Variants in SUSD6 observed in about 807,000 individuals in gnomAD.
SUSD6 encodes the protein sushi domain containing 6.
In SUSD6, 16 loss-of-function variants were observed where a neutral mutation model predicts 28.4. The ratio of observed to expected loss-of-function variants is 0.56; its 90% CI spans 0.38 to 0.86. SUSD6 has a LOEUF of 0.86. Ranked by LOEUF, SUSD6 falls within the 40% of genes least tolerant of loss-of-function variation. The pLI, the probability that SUSD6 is intolerant of heterozygous loss-of-function variation, is 0.00. For missense variants in SUSD6, 341 were observed against 384.2 expected, an observed-to-expected ratio of 0.89 and a Z score of 0.94; for synonymous variants, 147 against 159.6, an observed-to-expected ratio of 0.92 and a Z score of 0.59.
chr14:69,667,103 G>A (rs888623329), intron 2 of SUSD6, among the ~76,000 whole-genome samples: 1 of 152,166 alleles, frequency 6.6e-6, no homozygotes, highest in Non-Finnish European at 1.5e-5. Context: ...CCTGGCTATG[G>A]TAAGAGGCAC....
At chr14:69,638,237 C>CT (rs1885293494) in intron 1 of SUSD6, among the ~76,000 whole-genome samples, 1 of 152,192 alleles carries the variant, frequency 6.6e-6, no homozygotes, top group African/African-American at 2.4e-5. Flanking sequence ...GTCCCTCCTC[C>CT]TGGAGAGCCT....
At chr14:69,644,101 C>T (rs74060251) in intron 1 of SUSD6, among the ~76,000 whole-genome samples, 4,012 of 152,208 alleles carry the variant, frequency 0.026, 187 homozygotes, top group African/African-American at 0.092. Flanking sequence ...TATATATACA[C>T]AATATACAGT....
chr14:69,666,063 G>C (rs1470612521), intron 2 of SUSD6, among the ~76,000 whole-genome samples: 1 of 152,158 alleles, frequency 6.6e-6, no homozygotes, highest in Non-Finnish European at 1.5e-5. Context: ...CAGCTGCTTG[G>C]TTCAGACAGA....
At chr14:69,686,123 T>C (rs1437535300) in intron 2 of SUSD6, among the ~76,000 whole-genome samples, 3 of 152,222 alleles carry the variant, frequency 2.0e-5, no homozygotes, top group African/African-American at 7.2e-5. Flanking sequence ...GATTTTTAAA[T>C]TCAATGAATG....
chr14:69,686,848 C>T (rs1555345990), intron 2 of SUSD6, among the ~76,000 whole-genome samples: 1 of 152,158 alleles, frequency 6.6e-6, no homozygotes, highest in Non-Finnish European at 1.5e-5. Flanking sequence ...GGTGGGGACA[C>T]AGAGTCAAAC....
At chr14:69,629,019 A>G (rs147028388) in intron 1 of SUSD6, among the ~76,000 whole-genome samples, 2 of 152,120 alleles carry the variant, frequency 1.3e-5, no homozygotes, top group East Asian at 3.9e-4. Flanking sequence ...GCCTATGGTT[A>G]TTTTATGGCA....
intron 1 of SUSD6, among the ~76,000 whole-genome samples, chr14:69,620,117 T>C (rs1219779790): frequency 2.0e-5 from 3 of 152,222 alleles, no homozygotes; most frequent in Non-Finnish European, 2.9e-5. Context: ...TGATATGTTA[T>C]CTGGTCTACC....
intron 2 of SUSD6, among the ~76,000 whole-genome samples, chr14:69,667,773 C>T (rs1207715096): frequency 6.6e-6 from 1 of 152,124 alleles, no homozygotes; most frequent in East Asian, 1.9e-4. Context: ...TCACACACCT[C>T]TCTGAGCTTT....
At chr14:69,685,987 C>T (rs886072920) in intron 2 of SUSD6, among the ~76,000 whole-genome samples, 4 of 152,218 alleles carry the variant, frequency 2.6e-5, no homozygotes, top group Non-Finnish European at 4.4e-5. Flanking sequence ...TCTGTGCAGC[C>T]GCATGTGCTG....
At position 69,714,111 on chromosome 14, in the gene SUSD6, C is replaced by T. The variant is rs953099842; in HGVS notation, c.*3132C>T. ...GTTTGTTTGGTTTTATAAGGCATTT[C>T]AATGTACATTCTATAAATACAAGCA... On this transcript the variant is annotated 3_prime_UTR_variant, in exon 6 of 6. Coordinates refer to ENST00000342745, the MANE Select transcript of SUSD6 (RefSeq NM_014734.4). 1 of 152,122 alleles carries T rather than the reference C, an allele frequency of 6.6e-6. No individual in the cohort carries two copies. The highest frequency in any genetic ancestry group is 3.2e-3 in the Middle Eastern group (1 of 316). The allele number at this position is 152,122 out of a possible 1,614,324, so 9.4% of individuals were successfully genotyped here.
At chr14:69,683,001 G>A (rs1413295623) in intron 2 of SUSD6, among the ~76,000 whole-genome samples, 1 of 129,126 alleles carries the variant, frequency 7.7e-6, no homozygotes, top group African/African-American at 2.9e-5. Flanking sequence ...TTCCTCTTAT[G>A]GGAAGTTGCT....
In SUSD6 at chr14:69,714,346, T is replaced by G. The variant is rs1446235507; in HGVS notation, c.*3367T>G. The G allele has an allele frequency of 6.6e-6, 1 of 152,136 alleles. No individual in the cohort carries two copies. The highest frequency in any genetic ancestry group is 1.5e-5 in the Non-Finnish European group (1 of 68,064). The allele number at this position is 152,136 out of a possible 1,614,324, so 9.4% of individuals were successfully genotyped here. A position where few individuals can be genotyped will look rare whatever the true frequency, so the allele number is the denominator to read the frequency against. On this transcript the variant is annotated 3_prime_UTR_variant, in exon 6 of 6. Transcript: ENST00000342745. ...CAGCTGAGCCCTCAGACCACTTGCT[T>G]CCCACATAACAATGTCGCCTCCATT... is the stretch of plus-strand genomic sequence containing the variant.
In SUSD6 at chr14:69,711,064, A is replaced by C. The variant is rs1026640467; in HGVS notation, c.*85A>C. ...TGGGATTGAGCACCCTGTACTCTCC[A>C]GCCACCTTACCTGGATACCTGAGCT... On this transcript the variant is annotated 3_prime_UTR_variant, in exon 6 of 6. Coordinates refer to ENST00000342745, the MANE Select transcript of SUSD6 (RefSeq NM_014734.4). 38 of 1,389,126 alleles carry C rather than the reference A, an allele frequency of 2.7e-5. No homozygotes were observed. Among genetic ancestry groups the C allele is most frequent in the Non-Finnish European group, 3.9e-5 (38 of 976,676 alleles). 86.1% of individuals were successfully genotyped at this position (1,389,126 alleles called of 1,614,324 possible). A position where few individuals can be genotyped will look rare whatever the true frequency, so the allele number is the denominator to read the frequency against.
chr14:69,638,859 A>G (rs1885304789), intron 1 of SUSD6, among the ~76,000 whole-genome samples: 3 of 152,194 alleles, frequency 2.0e-5, no homozygotes, highest in Admixed American at 6.5e-5. Flanking sequence ...CTTCTCAGCC[A>G]GTGTCTACAG....
At chr14:69,686,450 A>G (rs369123838) in intron 2 of SUSD6, among the ~76,000 whole-genome samples, 1 of 152,188 alleles carries the variant, frequency 6.6e-6, no homozygotes, top group East Asian at 1.9e-4. Flanking sequence ...CCTTTTTGTA[A>G]GTGTGAAAGG....
intron 1 of SUSD6, among the ~76,000 whole-genome samples, chr14:69,646,377 C>T (rs1208985838): frequency 1.3e-5 from 2 of 152,152 alleles, no homozygotes; most frequent in African/African-American, 4.8e-5. Context: ...AACCTGTCCT[C>T]TTTCCTAGGT....
chr14:69,694,281 G>A (rs534185765), intron 2 of SUSD6, among the ~76,000 whole-genome samples: 1 of 152,210 alleles, frequency 6.6e-6, no homozygotes, highest in African/African-American at 2.4e-5. Context: ...TGCTGTTATT[G>A]AACACTTAGT....
chr14:69,665,803 C>G (rs757181285), intron 2 of SUSD6, among the ~76,000 whole-genome samples: 1 of 152,190 alleles, frequency 6.6e-6, no homozygotes, highest in Non-Finnish European at 1.5e-5. Context: ...GTCAGATTGT[C>G]TGGGTTGAAT....
intron 5 of SUSD6, among the ~76,000 whole-genome samples, chr14:69,710,138 A>G (rs1474793841): frequency 1.3e-5 from 2 of 152,264 alleles, no homozygotes; most frequent in African/African-American, 4.8e-5. Context: ...CCCCACAGTC[A>G]GCCAGCCACA....
Sources: allele counts gnomAD v4.1 joint callset (sites outside exome capture counted in the v4.1 genomes callset), GRCh38; gene constraint gnomAD v4.1.1; transcripts MANE v1.5; gene names NCBI Gene and HGNC (gene_info 2026-07-23, HGNC 2026-07-21).